Variants in ELP4 observed in about 807,000 individuals in gnomAD.
ELP4 encodes the protein elongator acetyltransferase complex subunit 4, also known as elongator complex protein 4.
In ELP4, 51 loss-of-function variants were observed where a neutral mutation model predicts 48.9. The ratio of observed to expected loss-of-function variants is 1.04; its 90% CI spans 0.83 to 1.32. The LOEUF (loss-of-function observed/expected upper bound fraction) is 1.32. Among genes scored for constraint, ELP4 ranks in the 40% most tolerant of loss-of-function variants. The probability of loss-of-function intolerance (pLI) is 0.00; values close to 1 mark genes in which losing one functional copy is unlikely to be tolerated. For synonymous variants in ELP4, 210 were observed against 189.2 expected (o/e 1.11, Z -0.90); for missense variants, 519 against 514.6 (o/e 1.01, Z -0.08).
At chr11:31,578,219 G>C (rs1197938386) in intron 3 of ELP4, among the ~76,000 whole-genome samples, 3 of 152,088 alleles carry the variant, frequency 2.0e-5, no homozygotes, top group African/African-American at 7.2e-5. Flanking sequence ...AAATACCTAG[G>C]AATCCACCTT....
chr11:31,726,735 G>C (rs1478981004), intron 9 of ELP4, among the ~76,000 whole-genome samples: 1 of 152,070 alleles, frequency 6.6e-6, no homozygotes, highest in African/African-American at 2.4e-5. Flanking sequence ...ACAATTATTT[G>C]ATTATAGAAC....
chr11:31,759,931 G>A (rs761743783), intron 9 of ELP4, among the ~76,000 whole-genome samples: 5 of 152,010 alleles, frequency 3.3e-5, no homozygotes, highest in African/African-American at 4.8e-5. Flanking sequence ...TTGAACTCCT[G>A]ACCTCAAGTA....
rs1506 is a variant in ELP4, at chr11:31,788,750, T to A, written c.*5226T>A. On this transcript the variant is annotated 3_prime_UTR_variant, in exon 10 of 10. Coordinates refer to ENST00000640961, the MANE Select transcript of ELP4 (RefSeq NM_019040.5). ...TATAAATGGGCACAGATCTACACCC[T>A]GCTGTAAGTGGAATTTTTTTCTAAC... 0.72 allele frequency: 149,346 copies of A among 206,598 alleles called. 55,191 individuals are homozygous for A. Among genetic ancestry groups the A allele is most frequent in the Non-Finnish European group, 0.8 (80,821 of 100,768 alleles). 12.8% of individuals were successfully genotyped at this position (206,598 alleles called of 1,614,324 possible).
intron 7 of ELP4, chr11:31,634,343 A>G (rs964619954): frequency 1.3e-5 from 2 of 152,090 alleles, no homozygotes; most frequent in Non-Finnish European, 2.9e-5. Context: ...TAGACAAGAG[A>G]GAAAAAAGAT....
At chr11:31,695,582 G>A (rs1946384760) in intron 9 of ELP4, among the ~76,000 whole-genome samples, 1 of 150,780 alleles carries the variant, frequency 6.6e-6, no homozygotes, top group Non-Finnish European at 1.5e-5. Context: ...GAGGATTTCT[G>A]CATAGATGTT....
At chr11:31,597,718 C>T (rs990154594) in intron 4 of ELP4, among the ~76,000 whole-genome samples, 1 of 151,548 alleles carries the variant, frequency 6.6e-6, no homozygotes, top group African/African-American at 2.4e-5. Flanking sequence ...ACTATAGTTG[C>T]CCACCACCAC....
At chr11:31,616,048 A>G (rs4463825) in intron 5 of ELP4, among the ~76,000 whole-genome samples, 4,938 of 152,206 alleles carry the variant, frequency 0.032, 132 homozygotes, top group Non-Finnish European at 0.047. Context: ...TTTGAAAAGA[A>G]GGAAATAGAA....
intron 3 of ELP4, among the ~76,000 whole-genome samples, chr11:31,548,364 A>G (rs1363243645): frequency 6.6e-6 from 1 of 151,258 alleles, no homozygotes; most frequent in Non-Finnish European, 1.5e-5. Context: ...GAGCCAAATC[A>G]TGAGTGAACT....
chr11:31,565,853 T>C (rs926443841), intron 3 of ELP4, among the ~76,000 whole-genome samples: 1 of 152,150 alleles, frequency 6.6e-6, no homozygotes, highest in Admixed American at 6.5e-5. Flanking sequence ...CTTGGCAAAG[T>C]AGGCTCTTTT....
intron 1 of ELP4, among the ~76,000 whole-genome samples, chr11:31,515,050 T>C (rs1288474145): frequency 6.7e-6 from 1 of 149,536 alleles, no homozygotes; most frequent in East Asian, 1.9e-4. Context: ...TATATATATA[T>C]ATATATGTAT....
At chr11:31,562,112 T>G (rs1406695918) in intron 3 of ELP4, among the ~76,000 whole-genome samples, 1 of 152,210 alleles carries the variant, frequency 6.6e-6, no homozygotes, top group Non-Finnish European at 1.5e-5. Context: ...GCCTGTACCT[T>G]ATTTTCCCAA....
chr11:31,643,083 A>ATG (rs1254657821), intron 7 of ELP4, among the ~76,000 whole-genome samples: 1 of 151,808 alleles, frequency 6.6e-6, no homozygotes, highest in East Asian at 1.9e-4. Flanking sequence ...ACTGTTGATT[A>ATG]TGACATACTT....
At chr11:31,590,039 T>G (rs1406364108) in intron 3 of ELP4, among the ~76,000 whole-genome samples, 3 of 152,200 alleles carry the variant, frequency 2.0e-5, no homozygotes. Flanking sequence ...CTCCATTTTT[T>G]ACTAGCTCTG....
At chr11:31,520,220 G>T (rs1956190382) in intron 2 of ELP4, 129 bp downstream of exon 2, 1 of 730,430 alleles carries the variant, frequency 1.4e-6, no homozygotes, top group Non-Finnish European at 2.1e-6. Flanking sequence ...AATTAGAGAG[G>T]AATTGACTTA....
At chr11:31,527,125 T>C (rs1188737479) in intron 2 of ELP4, among the ~76,000 whole-genome samples, 1 of 152,080 alleles carries the variant, frequency 6.6e-6, no homozygotes, top group Non-Finnish European at 1.5e-5. Context: ...TGTTAATCAC[T>C]CTTTTCTTGA....
intron 9 of ELP4, among the ~76,000 whole-genome samples, chr11:31,762,631 A>G (rs941118763): frequency 3.9e-5 from 6 of 151,986 alleles, no homozygotes; most frequent in Non-Finnish European, 7.4e-5. Flanking sequence ...AAGTATATTT[A>G]GCTATGATTA....
chr11:31,535,185 A>G (rs1013709991), intron 2 of ELP4, among the ~76,000 whole-genome samples: 1 of 152,180 alleles, frequency 6.6e-6, no homozygotes, highest in African/African-American at 2.4e-5. Context: ...AATTGACCAT[A>G]CTTTTAATCA....
intron 5 of ELP4, among the ~76,000 whole-genome samples, chr11:31,618,151 AG>A (rs1447125328): frequency 6.6e-6 from 1 of 152,182 alleles, no homozygotes; most frequent in Admixed American, 6.6e-5. Flanking sequence ...CACCATAAAA[AG>A]GAATGAAGTA....
At chr11:31,659,973 C>A (rs1293421949) in intron 9 of ELP4, among the ~76,000 whole-genome samples, 1 of 152,116 alleles carries the variant, frequency 6.6e-6, no homozygotes, top group Admixed American at 6.5e-5. Flanking sequence ...GCCTGGGCAA[C>A]AGTGCGAGAC....
Sources: allele counts gnomAD v4.1 joint callset (sites outside exome capture counted in the v4.1 genomes callset), GRCh38; gene constraint gnomAD v4.1.1; transcripts MANE v1.5; gene names NCBI Gene and HGNC (gene_info 2026-07-23, HGNC 2026-07-21).